AKAP6: variants seen among roughly 807,000 people sequenced by gnomAD.
AKAP6 encodes the protein A-kinase anchor protein 6.
AKAP6 carries 58 observed loss-of-function variants against 188.5 expected under a neutral mutation model. The ratio of observed to expected loss-of-function variants is 0.31; its 90% CI spans 0.25 to 0.38. The LOEUF is 0.38. Ranked by LOEUF, AKAP6 falls within the 10% of genes least tolerant of loss-of-function variation. The pLI, the probability that AKAP6 is intolerant of heterozygous loss-of-function variation, is 1.00. For missense variants in AKAP6, 2,710 were observed against 2,740.0 expected (o/e 0.99, Z 0.24); for synonymous variants, 989 against 998.6 (o/e 0.99, Z 0.18).
intron 7 of AKAP6, among the ~76,000 whole-genome samples, chr14:32,611,633 A>G (rs1200700957): frequency 6.6e-6 from 1 of 152,192 alleles, no homozygotes; most frequent in Non-Finnish European, 1.5e-5. Context: ...CCAGGATACC[A>G]TATTAAAGTT....
intron 2 of AKAP6, among the ~76,000 whole-genome samples, chr14:32,507,786 G>T (rs992514731): frequency 6.6e-6 from 1 of 152,202 alleles, no homozygotes; most frequent in Non-Finnish European, 1.5e-5. Context: ...ACAGAGGAGG[G>T]ATAGGATGAT....
intron 9 of AKAP6, among the ~76,000 whole-genome samples, chr14:32,710,193 G>A (rs1890983448): frequency 1.4e-5 from 1 of 71,732 alleles, no homozygotes; most frequent in Non-Finnish European, 2.9e-5. Flanking sequence ...ATAAAAAATG[G>A]ACCCAAAAAA....
chr14:32,661,871 G>A (rs1006805088), intron 7 of AKAP6, among the ~76,000 whole-genome samples: 1 of 152,162 alleles, frequency 6.6e-6, no homozygotes, highest in Non-Finnish European at 1.5e-5. Context: ...GCACAAGGTT[G>A]TTGGGATTAT....
chr14:32,782,583 A>G (rs1261312295), intron 12 of AKAP6, among the ~76,000 whole-genome samples: 1 of 152,156 alleles, frequency 6.6e-6, no homozygotes, highest in Non-Finnish European at 1.5e-5. Flanking sequence ...CAATATATAA[A>G]TGTCAATTAT....
intron 2 of AKAP6, among the ~76,000 whole-genome samples, chr14:32,479,483 T>C (rs1879231620): frequency 5.3e-5 from 8 of 152,230 alleles, no homozygotes; most frequent in Admixed American, 4.6e-4. Context: ...AACAATTTTA[T>C]ACATTGTTTC....
chr14:32,377,822 A>AT, intron 1 of AKAP6, among the ~76,000 whole-genome samples: 1 of 152,106 alleles, frequency 6.6e-6, no homozygotes, highest in East Asian at 1.9e-4. Context: ...TGAGTCTGAG[A>AT]TTTTTTTATG....
chr14:32,789,504 G>A (rs768502752), intron 12 of AKAP6, among the ~76,000 whole-genome samples: 2 of 152,184 alleles, frequency 1.3e-5, no homozygotes, highest in Non-Finnish European at 2.9e-5. Context: ...CTACTGGAAC[G>A]GAGCTTCCAG....
At chr14:32,619,229 G>A (rs886978766) in intron 7 of AKAP6, among the ~76,000 whole-genome samples, 3 of 151,812 alleles carry the variant, frequency 2.0e-5, no homozygotes, top group East Asian at 1.9e-4. Flanking sequence ...GTTTGCTTTC[G>A]GGGTCTTAGT....
At chr14:32,746,956 C>G (rs2031937042) in intron 11 of AKAP6, among the ~76,000 whole-genome samples, 1 of 152,036 alleles carries the variant, frequency 6.6e-6, no homozygotes, top group South Asian at 2.1e-4. Context: ...TTCAAATTAA[C>G]AATAAAATGT....
At chr14:32,400,134 G>A (rs550996437) in intron 1 of AKAP6, among the ~76,000 whole-genome samples, 2 of 152,152 alleles carry the variant, frequency 1.3e-5, no homozygotes, top group East Asian at 3.9e-4. Flanking sequence ...ATGAGGGCAG[G>A]TCTGTGGTTA....
intron 8 of AKAP6, among the ~76,000 whole-genome samples, chr14:32,686,290 A>AGGGGT (rs1339686200): frequency 6.6e-6 from 1 of 152,172 alleles, no homozygotes; most frequent in Non-Finnish European, 1.5e-5. Context: ...GAGACTGGGA[A>AGGGGT]GGGGTAGTAG....
intron 11 of AKAP6, among the ~76,000 whole-genome samples, chr14:32,739,556 C>T (rs2031586227): frequency 6.6e-6 from 1 of 151,976 alleles, no homozygotes; most frequent in Non-Finnish European, 1.5e-5. Flanking sequence ...ATCCCCCCTA[C>T]TCTCTATATG....
intron 8 of AKAP6, among the ~76,000 whole-genome samples, chr14:32,679,053 C>A (rs888606236): frequency 2.0e-5 from 3 of 152,136 alleles, no homozygotes; most frequent in African/African-American, 7.2e-5. Flanking sequence ...TTATATTATA[C>A]TAACTATTCA....
intron 2 of AKAP6, among the ~76,000 whole-genome samples, chr14:32,498,458 A>T (rs1880439586): frequency 6.6e-6 from 1 of 152,202 alleles, no homozygotes; most frequent in Non-Finnish European, 1.5e-5. Context: ...ATCAATATGT[A>T]TATCAACATC....
Position 32,832,259 on chromosome 14 carries a change from G to A in AKAP6, c.*2454G>A, listed in dbSNP as rs970960592. ...ATGTAGTGAAAGAACAAATCCTAGA[G>A]TCTTTGAAATTTCTAAGGGCATTCT... On this transcript the variant is annotated 3_prime_UTR_variant, in exon 14 of 14. Transcript: ENST00000280979. 1 of 151,936 alleles carries A rather than the reference G, an allele frequency of 6.6e-6. No individual in the cohort carries two copies. The highest frequency in any genetic ancestry group is 1.5e-5 in the Non-Finnish European group (1 of 67,994). 9.4% of individuals were successfully genotyped at this position (151,936 alleles called of 1,614,324 possible).
intron 12 of AKAP6, among the ~76,000 whole-genome samples, chr14:32,777,675 G>C (rs541771713): frequency 6.6e-6 from 1 of 152,290 alleles, no homozygotes; most frequent in East Asian, 1.9e-4. Flanking sequence ...AATAAAATCA[G>C]AGCATCAGTG....
In AKAP6 at chr14:32,433,831, T is replaced by C; in HGVS notation, c.324+14T>C. 6.2e-7 allele frequency: 1 copy of C among 1,607,248 alleles called. No individual in the cohort carries two copies. Among genetic ancestry groups the C allele is most frequent in the South Asian group, 1.1e-5 (1 of 90,594 alleles). On this transcript the variant is annotated intron_variant, in intron 2 of 13. Coordinates refer to ENST00000280979, the MANE Select transcript of AKAP6 (RefSeq NM_004274.5). ...GTTCAACTAAAGGTAAGGCAAGGTC[T>C]GTGATCCTCTCAGGATAGAAGTTTT...
intron 2 of AKAP6, among the ~76,000 whole-genome samples, chr14:32,532,538 A>G (rs571101519): frequency 6.6e-6 from 1 of 152,214 alleles, no homozygotes; most frequent in African/African-American, 2.4e-5. Flanking sequence ...CAAATCATGT[A>G]TAAGAGGAAC....
At chr14:32,496,559 G>A (rs1425251191) in intron 2 of AKAP6, among the ~76,000 whole-genome samples, 2 of 151,596 alleles carry the variant, frequency 1.3e-5, no homozygotes, top group Admixed American at 1.3e-4. Flanking sequence ...GAAGGGTCAT[G>A]GTCTGAGACT....
Sources: allele counts gnomAD v4.1 joint callset (sites outside exome capture counted in the v4.1 genomes callset), GRCh38; gene constraint gnomAD v4.1.1; transcripts MANE v1.5; gene names NCBI Gene and HGNC (gene_info 2026-07-23, HGNC 2026-07-21).